ZFYVE9: variants seen among roughly 807,000 people sequenced by gnomAD.
The protein encoded by ZFYVE9 is zinc finger FYVE-type containing 9, also known as zinc finger FYVE domain-containing protein 9.
A neutral mutation model predicts 126.7 loss-of-function variants in ZFYVE9; 43 were observed. The ratio of observed to expected loss-of-function variants is 0.34; its 90% confidence interval spans 0.27 to 0.44. The LOEUF (loss-of-function observed/expected upper bound fraction) is 0.44, where lower values mean the gene tolerates loss of function less well. Ranked by LOEUF, ZFYVE9 falls within the 20% of genes least tolerant of loss-of-function variation. The pLI is 1.00. For synonymous variants in ZFYVE9, 521 were observed against 597.4 expected, an observed-to-expected ratio of 0.87 and a Z score of 1.87; for missense variants, 1,476 against 1,697.0, an observed-to-expected ratio of 0.87 and a Z score of 2.29.
At chr1:52,268,769 G>A in intron 7 of ZFYVE9, 137 bp downstream of exon 7, 3 of 1,050,736 alleles carry the variant, frequency 2.9e-6, no homozygotes, top group Non-Finnish European at 3.9e-6. Context: ...TATGGATAAA[G>A]TAAATGTGGC....
chr1:52,155,948 T>G (rs550511616), intron 1 of ZFYVE9, among the ~76,000 whole-genome samples: 76 of 152,068 alleles, frequency 5.0e-4, no homozygotes, highest in Non-Finnish European at 9.0e-4. Context: ...ATTGGTAGGG[T>G]TTTTCTTTAC....
In ZFYVE9 at chr1:52,142,858, A is replaced by G. The variant is rs1199532012; in HGVS notation, c.-143+455A>G. On this transcript the variant is annotated intron_variant, in intron 1 of 18. Transcript: ENST00000287727. The surrounding 1 kb of genome is among the most constrained non-coding windows in gnomAD (Gnocchi z 4.5). Reference sequence around the variant, plus strand: ...GGGAAAGGGGGAGGAGAGGAAGGCCAGGGTGAGAATTGGGGGTGCAGAGAG... The same window carrying G: ...GGGAAAGGGGGAGGAGAGGAAGGCCGGGGTGAGAATTGGGGGTGCAGAGAG... Among the ~76,000 whole-genome samples, 5 of 152,066 alleles carry G rather than the reference A, an allele frequency of 3.3e-5. No homozygotes were observed. Among genetic ancestry groups the G allele is most frequent in the Non-Finnish European group, 7.4e-5 (5 of 68,002 alleles).
At chr1:52,151,310 A>G (rs1306247555) in intron 1 of ZFYVE9, among the ~76,000 whole-genome samples, 1 of 152,202 alleles carries the variant, frequency 6.6e-6, no homozygotes, top group Admixed American at 6.5e-5. Context: ...ACTCTTACTA[A>G]GGATATTATA....
At chr1:52,242,601 T>C (rs539274197) in intron 4 of ZFYVE9, among the ~76,000 whole-genome samples, 10 of 152,258 alleles carry the variant, frequency 6.6e-5, no homozygotes, top group African/African-American at 2.2e-4. Context: ...AATTTAGATA[T>C]AACGGGTGTA....
At chr1:52,200,550 TG>T (rs1644914074) in intron 1 of ZFYVE9, among the ~76,000 whole-genome samples, 1 of 152,152 alleles carries the variant, frequency 6.6e-6, no homozygotes, top group South Asian at 2.1e-4. Context: ...ATCATTCCTT[TG>T]GTATTGTGTC....
chr1:52,294,609 A>G (rs529292162), intron 11 of ZFYVE9, among the ~76,000 whole-genome samples: 15 of 152,320 alleles, frequency 9.8e-5, no homozygotes, highest in African/African-American at 2.6e-4. Flanking sequence ...GGTATCTTGT[A>G]TTAAAACCTG....
intron 13 of ZFYVE9, among the ~76,000 whole-genome samples, chr1:52,310,206 C>T (rs184966705): frequency 2.0e-5 from 3 of 152,056 alleles, no homozygotes; most frequent in East Asian, 1.9e-4. Context: ...TGGGCTCAAG[C>T]GATCTGCTTG....
At chr1:52,175,652 T>C (rs1435006353) in intron 1 of ZFYVE9, among the ~76,000 whole-genome samples, 1 of 152,142 alleles carries the variant, frequency 6.6e-6, no homozygotes, top group Non-Finnish European at 1.5e-5. Context: ...CATTCAGATG[T>C]AGATTTGGTC....
intron 4 of ZFYVE9, among the ~76,000 whole-genome samples, chr1:52,250,973 A>G (rs1027659455): frequency 5.9e-5 from 9 of 151,924 alleles, no homozygotes; most frequent in Non-Finnish European, 1.3e-4. Context: ...TGGCCTCCCA[A>G]AGTGCTAGGA....
intron 15 of ZFYVE9, chr1:52,334,992 G>A (rs1646375920): frequency 7.8e-6 from 3 of 384,078 alleles, no homozygotes. Context: ...GCCTTTCAGA[G>A]CTCTGGGATA....
intron 18 of ZFYVE9, among the ~76,000 whole-genome samples, chr1:52,345,258 A>C (rs1480047774): frequency 6.6e-6 from 1 of 152,170 alleles, no homozygotes; most frequent in Non-Finnish European, 1.5e-5. Flanking sequence ...ACAAATTGCC[A>C]GACCTCTCTG....
At chr1:52,321,998 G>A (rs1646244863) in intron 13 of ZFYVE9, among the ~76,000 whole-genome samples, 1 of 152,146 alleles carries the variant, frequency 6.6e-6, no homozygotes. Context: ...TCTCTCTGCT[G>A]TTTTGTAGAC....
intron 2 of ZFYVE9, among the ~76,000 whole-genome samples, chr1:52,229,947 A>G (rs914354562): frequency 1.4e-5 from 2 of 148,132 alleles, no homozygotes. Flanking sequence ...GGCTCACTGC[A>G]AGCTCCGCCT....
In ZFYVE9 at chr1:52,238,564, A is replaced by G. The variant is rs1220878950; in HGVS notation, c.1147A>G (p.Thr383Ala). 4.3e-6 allele frequency: 7 copies of G among 1,613,996 alleles called. No homozygotes were observed. Among genetic ancestry groups the G allele is most frequent in the Non-Finnish European group, 5.9e-6 (7 of 1,179,978 alleles). ...TTATGAACATGAAGAAACTCTTGGC[A>G]CTACAGAATTCCTTAATATGACAGA... ...EGYEHEETLG[T>A]TEFLNMTEHF... Residue 383 changes from threonine to alanine, a missense_variant, in exon 4 of 19, where the codon ACT (threonine) becomes GCT (alanine). Coordinates refer to ENST00000287727, the MANE Select transcript of ZFYVE9 (RefSeq NM_004799.4).
chr1:52,273,839 T>A (rs200916247), intron 7 of ZFYVE9, among the ~76,000 whole-genome samples: 1,691 of 135,316 alleles, frequency 0.012, 29 homozygotes, highest in African/African-American at 0.041. Context: ...AAAAAAAAAA[T>A]GAACTTCAAG....
At chr1:52,146,804 G>T (rs368719177) in intron 1 of ZFYVE9, among the ~76,000 whole-genome samples, 26 of 152,280 alleles carry the variant, frequency 1.7e-4, no homozygotes, top group African/African-American at 5.5e-4. Flanking sequence ...GGTGTCAGTA[G>T]AATTAGCATT....
intron 10 of ZFYVE9, among the ~76,000 whole-genome samples, chr1:52,291,286 C>T (rs564132224): frequency 7.9e-4 from 120 of 152,264 alleles, no homozygotes; most frequent in African/African-American, 2.8e-3. Context: ...GGATACCTGT[C>T]CGCTAAAATC....
At chr1:52,297,061 C>T (rs1168245900) in intron 12 of ZFYVE9, among the ~76,000 whole-genome samples, 1 of 152,062 alleles carries the variant, frequency 6.6e-6, no homozygotes. Context: ...CTGCCTCAGC[C>T]TCCCAAAGTG....
rs1317083266 is a variant in ZFYVE9, at chr1:52,193,891, G to A, written c.-142-22478G>A. Among the ~76,000 whole-genome samples the A allele has an allele frequency of 3.3e-5, 5 of 152,126 alleles. No individual in the cohort carries two copies. In the South Asian group the frequency reaches 6.2e-4, roughly 19 times the overall value. ...TAATCGTTGAAAAATAGGGGAAAAT[G>A]TAAATGCTTATTCGTGCTTTATATA... is the stretch of plus-strand genomic sequence containing the variant. On this transcript the variant is annotated intron_variant, in intron 1 of 18. Transcript: ENST00000287727.
Sources: allele counts gnomAD v4.1 joint callset (sites outside exome capture counted in the v4.1 genomes callset), GRCh38; gene constraint gnomAD v4.1.1; non-coding constraint Gnocchi (gnomAD v3.1); transcripts MANE v1.5; gene names NCBI Gene and HGNC (gene_info 2026-07-23, HGNC 2026-07-21).